The following FRMD6 variants were observed in gnomAD, a reference collection of about 807,000 sequenced individuals.
FRMD6 encodes the protein FERM domain containing 6.
A neutral mutation model predicts 73.2 loss-of-function variants in FRMD6; 37 were observed. That is an observed-to-expected ratio of 0.51 (90% CI 0.39 to 0.66). The LOEUF (loss-of-function observed/expected upper bound fraction) is 0.66, where lower values mean the gene tolerates loss of function less well. Ranked by LOEUF, FRMD6 falls within the 30% of genes least tolerant of loss-of-function variation. The pLI is 0.00. For synonymous variants in FRMD6, 273 were observed against 282.2 expected (o/e 0.97, Z 0.33); for missense variants, 714 against 780.5 (o/e 0.91, Z 1.02).
the FRMD6 span, among the ~76,000 whole-genome samples, chr14:51,443,576 A>G: frequency 1.3e-5 from 2 of 152,218 alleles, no homozygotes; most frequent in Admixed American, 6.5e-5. Context: ...CTGGATATGC[A>G]GTCTTTCTGG....
intron 2 of FRMD6, among the ~76,000 whole-genome samples, chr14:51,615,838 G>T (rs551358417): frequency 9.2e-5 from 14 of 152,318 alleles, no homozygotes; most frequent in African/African-American, 3.4e-4. Context: ...AGCTAAGAAA[G>T]TGTGGTATTC....
At position 51,702,602 on chromosome 14, in the gene FRMD6, G is replaced by A. The variant is rs980612037; in HGVS notation, c.371+14G>A. On this transcript the variant is annotated intron_variant, in intron 5 of 13. Coordinates refer to ENST00000344768, the MANE Select transcript of FRMD6 (RefSeq NM_001267046.2). ...CAGATTGATCAGGTAAGAGGACAGG[G>A]GGTGATTCTAAACGCTTTTTTTTCC... is the stretch of plus-strand genomic sequence containing the variant. 24 of 1,602,896 alleles carry A rather than the reference G, an allele frequency of 1.5e-5. No individual in the cohort carries two copies. The highest frequency in any genetic ancestry group is 3.4e-5 in the Admixed American group (2 of 58,744).
At chr14:51,454,944 A>C in the FRMD6 span, 1 of 152,226 alleles carries the variant, frequency 6.6e-6, no homozygotes, top group Non-Finnish European at 1.5e-5. Flanking sequence ...AGTTTGGTTC[A>C]TTCTAGCGAA....
chr14:51,682,501 T>C (rs767605939), intron 1 of FRMD6, among the ~76,000 whole-genome samples: 1 of 152,202 alleles, frequency 6.6e-6, no homozygotes, highest in Non-Finnish European at 1.5e-5. Context: ...CTTACTCTGT[T>C]GCAAGTGGCA....
intron 2 of FRMD6, among the ~76,000 whole-genome samples, chr14:51,595,131 T>G (rs1279057801): frequency 6.6e-6 from 1 of 152,110 alleles, no homozygotes; most frequent in Non-Finnish European, 1.5e-5. Flanking sequence ...GAGCCAAAAC[T>G]CTTGGAATAG....
intron 1 of FRMD6, among the ~76,000 whole-genome samples, chr14:51,559,496 A>C (rs941157469): frequency 9.3e-5 from 14 of 150,412 alleles, no homozygotes; most frequent in Non-Finnish European, 1.9e-4. Flanking sequence ...TTTTTTTTTA[A>C]GCAAGCCTTC....
chr14:51,715,469 C>T lies in FRMD6; in HGVS notation c.994C>T (p.Arg332Cys), dbSNP rs187159694. The change falls in exon 10 of 14, where the codon CGC becomes TGC. Residue 332 changes from arginine (R) to cysteine (C), a missense_variant. Transcript: ENST00000344768. Reference protein sequence around the residue: ...RLYMNLQPVLRHIRKLEENEE... With the variant: ...RLYMNLQPVLCHIRKLEENEE... ...CTATATGAATCTGCAGCCTGTCCTGCGCCATATCCGGAAGCTGGAGGAAAA... is the reference window on the plus strand; with the variant it reads ...CTATATGAATCTGCAGCCTGTCCTGTGCCATATCCGGAAGCTGGAGGAAAA... 14 of 1,611,210 alleles carry T rather than the reference C, an allele frequency of 8.7e-6. No homozygotes were observed. In the East Asian group the frequency reaches 8.9e-5, roughly 10 times the overall value.
chr14:51,484,697 C>T (rs1882729268), upstream of FRMD6, among the ~76,000 whole-genome samples: 1 of 152,216 alleles, frequency 6.6e-6, no homozygotes, highest in South Asian at 2.1e-4. Flanking sequence ...GTAAATCAAA[C>T]CCCGGCTGGA....
chr14:51,601,057 C>T (rs1402541977), intron 2 of FRMD6, among the ~76,000 whole-genome samples: 1 of 152,190 alleles, frequency 6.6e-6, no homozygotes, highest in Non-Finnish European at 1.5e-5. Flanking sequence ...CTTTAAGAAG[C>T]ACCCTGATGC....
intron 6 of FRMD6, among the ~76,000 whole-genome samples, chr14:51,705,620 T>A (rs1375153054): frequency 2.6e-5 from 4 of 152,106 alleles, no homozygotes; most frequent in Admixed American, 2.6e-4. Context: ...GAAGAGCTAC[T>A]ACTCTTGCCT....
the FRMD6 span, among the ~76,000 whole-genome samples, chr14:51,445,332 T>C: frequency 4.6e-5 from 7 of 152,122 alleles, no homozygotes; most frequent in Admixed American, 4.6e-4. Flanking sequence ...TCCTCCCTCT[T>C]TCCTGATGTC....
At chr14:51,434,384 AT>A in the FRMD6 span, among the ~76,000 whole-genome samples, 3 of 152,180 alleles carry the variant, frequency 2.0e-5, no homozygotes, top group African/African-American at 7.2e-5. Flanking sequence ...AAATGATAAG[AT>A]TAGTCTGGAA....
At chr14:51,665,887 T>A (rs188814117) in intron 1 of FRMD6, among the ~76,000 whole-genome samples, 30 of 152,282 alleles carry the variant, frequency 2.0e-4, no homozygotes, top group Admixed American at 1.5e-3. Flanking sequence ...GCCATATGAG[T>A]TGTGCCTTTC....
intron 1 of FRMD6, among the ~76,000 whole-genome samples, chr14:51,668,263 C>T (rs1364229992): frequency 6.6e-6 from 1 of 152,086 alleles, no homozygotes; most frequent in East Asian, 1.9e-4. Flanking sequence ...ACATATTATA[C>T]ATTTAAGGGT....
intron 2 of FRMD6, among the ~76,000 whole-genome samples, chr14:51,587,862 C>G (rs889448811): frequency 2.0e-5 from 3 of 152,104 alleles, no homozygotes; most frequent in African/African-American, 4.8e-5. Flanking sequence ...CTGACGTTAG[C>G]GGCAATGACG....
intron 1 of FRMD6, among the ~76,000 whole-genome samples, chr14:51,539,615 T>G (rs1219177941): frequency 1.3e-5 from 2 of 152,144 alleles, no homozygotes; most frequent in Non-Finnish European, 2.9e-5. Context: ...GGCTTCCTTC[T>G]GGGCAATTAC....
At chr14:51,412,589 C>T in the FRMD6 span, among the ~76,000 whole-genome samples, 49 of 152,118 alleles carry the variant, frequency 3.2e-4, no homozygotes, top group Non-Finnish European at 4.9e-4. Context: ...CGGTGGCTCA[C>T]GCCTGTAATC....
intron 1 of FRMD6, among the ~76,000 whole-genome samples, chr14:51,538,027 T>C (rs968836458): frequency 6.6e-6 from 1 of 152,212 alleles, no homozygotes; most frequent in Non-Finnish European, 1.5e-5. Context: ...AGCTTATCAA[T>C]TATTTCTTTC....
In FRMD6 at chr14:51,730,640, A is replaced by C. The variant is rs749193050; in HGVS notation, c.*2611A>C. ...TCAAGATGATACCAAAAGTATGTAA[A>C]AAGAAACCTGCATTATTTTGTAATT... On this transcript the variant is annotated 3_prime_UTR_variant, in exon 14 of 14. Transcript: ENST00000344768. The C allele has an allele frequency of 1.5e-4, 23 of 152,450 alleles. No homozygotes were observed. Among genetic ancestry groups the C allele is most frequent in the Non-Finnish European group, 2.8e-4 (19 of 68,032 alleles). The allele number at this position is 152,450 out of a possible 1,614,324, so 9.4% of individuals were successfully genotyped here.
Sources: allele counts gnomAD v4.1 joint callset (sites outside exome capture counted in the v4.1 genomes callset), GRCh38; gene constraint gnomAD v4.1.1; transcripts MANE v1.5; gene names NCBI Gene and HGNC (gene_info 2026-07-23, HGNC 2026-07-21).